Variants in ANGPT1 observed in about 807,000 individuals in gnomAD.
The protein encoded by ANGPT1 is angiopoietin-1.
A neutral mutation model predicts 62.2 loss-of-function variants in ANGPT1; 17 were observed. The observed-to-expected ratio is 0.27, with a 90% CI of 0.19 to 0.41. ANGPT1 has a LOEUF of 0.41. Among genes scored for constraint, ANGPT1 ranks in the 10% least tolerant of loss-of-function variants. ANGPT1 has a pLI of 1.00. For missense variants in ANGPT1, 478 were observed against 594.9 expected, an observed-to-expected ratio of 0.80 and a Z score of 2.04; for synonymous variants, 199 against 198.9, an observed-to-expected ratio of 1.00 and a Z score of 0.00.
chr8:107,467,524 A>G (rs1812235184), intron 1 of ANGPT1, among the ~76,000 whole-genome samples: 1 of 152,096 alleles, frequency 6.6e-6, no homozygotes, highest in African/African-American at 2.4e-5. Context: ...CTGGGGACTT[A>G]ATTGGGATTT....
intron 3 of ANGPT1, 31 bp downstream of exon 3, chr8:107,336,119 A>G (rs748186891): frequency 6.3e-7 from 1 of 1,577,756 alleles, no homozygotes; most frequent in Non-Finnish European, 8.6e-7. Flanking sequence ...AAGTACACAC[A>G]GAAACATTTT....
chr8:107,325,162 A>G (rs1563569799), intron 3 of ANGPT1, among the ~76,000 whole-genome samples: 2 of 152,180 alleles, frequency 1.3e-5, no homozygotes, highest in Non-Finnish European at 2.9e-5. Context: ...CTTCTTCACT[A>G]TCTTTATTGG....
At chr8:107,264,836 C>T (rs56046638) in intron 7 of ANGPT1, among the ~76,000 whole-genome samples, 6 of 152,086 alleles carry the variant, frequency 3.9e-5, no homozygotes, top group Non-Finnish European at 8.8e-5. Context: ...AATCTGTGAT[C>T]CAGACATTAA....
rs528296864 is a variant in ANGPT1, at chr8:107,407,294, G to A, written c.298-60197C>T. ...TTTTTTTTTTTGTAAATTGCTGGCA[G>A]CCCTTTATAAAATGATAGAATACCA... On this transcript the variant is annotated intron_variant, in intron 1 of 8. Transcript: ENST00000517746. 2.7e-5 allele frequency among the ~76,000 whole-genome samples: 4 copies of A among 150,828 alleles called. No homozygotes were observed. The East Asian group carries it at 5.8e-4, about 22-fold the overall frequency.
chr8:107,332,195 G>C (rs1815438727), intron 3 of ANGPT1, among the ~76,000 whole-genome samples: 1 of 152,114 alleles, frequency 6.6e-6, no homozygotes, highest in Non-Finnish European at 1.5e-5. Flanking sequence ...GTCCTACTTT[G>C]TGTTCATCTC....
chr8:107,347,392 T>C (rs1462492324), intron 1 of ANGPT1, among the ~76,000 whole-genome samples: 5 of 151,920 alleles, frequency 3.3e-5, no homozygotes, highest in African/African-American at 1.2e-4. Flanking sequence ...ATAGCAAAGA[T>C]GTATCACAGT....
intron 5 of ANGPT1, among the ~76,000 whole-genome samples, chr8:107,300,012 TCTAG>T (rs1814542763): frequency 1.5e-5 from 2 of 134,150 alleles, no homozygotes; most frequent in Non-Finnish European, 3.3e-5. Context: ...TATCTAGATA[TCTAG>T]ATATGTAGTT....
chr8:107,339,061 T>G (rs1815639988), intron 2 of ANGPT1, among the ~76,000 whole-genome samples: 1 of 152,318 alleles, frequency 6.6e-6, no homozygotes, highest in East Asian at 1.9e-4. Context: ...CAAAAGACAG[T>G]AAGTATTCTC....
At chr8:107,307,196 C>T (rs984336587) in intron 4 of ANGPT1, among the ~76,000 whole-genome samples, 2 of 151,990 alleles carry the variant, frequency 1.3e-5, no homozygotes, top group Non-Finnish European at 2.9e-5. Context: ...GCTTTCCGAG[C>T]CTCCCTTTTC....
chr8:107,388,655 C>G (rs1231508347), intron 1 of ANGPT1, among the ~76,000 whole-genome samples: 1 of 152,064 alleles, frequency 6.6e-6, no homozygotes, highest in Non-Finnish European at 1.5e-5. Context: ...AGTGGACCTG[C>G]TTTATTGCAG....
chr8:107,330,664 A>T (rs564241303), intron 3 of ANGPT1, among the ~76,000 whole-genome samples: 12 of 152,294 alleles, frequency 7.9e-5, no homozygotes, highest in African/African-American at 2.2e-4. Flanking sequence ...GCAGTGGCCT[A>T]GACAAGAATT....
intron 6 of ANGPT1, among the ~76,000 whole-genome samples, chr8:107,286,334 T>C (rs1814139758): frequency 1.3e-5 from 2 of 152,312 alleles, no homozygotes; most frequent in African/African-American, 4.8e-5. Context: ...AAAAGCAAAT[T>C]AGTAAAACTT....
intron 1 of ANGPT1, among the ~76,000 whole-genome samples, chr8:107,441,514 T>G (rs1285345558): frequency 6.6e-6 from 1 of 152,170 alleles, no homozygotes; most frequent in African/African-American, 2.4e-5. Flanking sequence ...TTCTATAATG[T>G]GGTACCCCAT....
intron 1 of ANGPT1, among the ~76,000 whole-genome samples, chr8:107,405,523 C>A (rs1039473086): frequency 6.6e-6 from 1 of 151,832 alleles, no homozygotes; most frequent in Non-Finnish European, 1.5e-5. Flanking sequence ...TAAGGAAGAA[C>A]ATTATTTAAA....
intron 1 of ANGPT1, among the ~76,000 whole-genome samples, chr8:107,373,920 T>C (rs1816469834): frequency 6.6e-6 from 1 of 152,246 alleles, no homozygotes; most frequent in African/African-American, 2.4e-5. Flanking sequence ...CTTGGAAAGA[T>C]ACTGCCTATG....
At chr8:107,268,749 A>C (rs905923311) in intron 7 of ANGPT1, among the ~76,000 whole-genome samples, 2 of 152,120 alleles carry the variant, frequency 1.3e-5, no homozygotes, top group African/African-American at 4.8e-5. Context: ...ATAATTCCTT[A>C]AGGTCCTGCC....
chr8:107,307,453 T>A (rs753314309), intron 4 of ANGPT1, among the ~76,000 whole-genome samples: 1 of 152,112 alleles, frequency 6.6e-6, no homozygotes, highest in Non-Finnish European at 1.5e-5. Context: ...AAAAACTACA[T>A]CTTATCTTCT....
At chr8:107,352,155 T>C (rs924782443) in intron 1 of ANGPT1, among the ~76,000 whole-genome samples, 2 of 152,256 alleles carry the variant, frequency 1.3e-5, no homozygotes, top group South Asian at 4.1e-4. Flanking sequence ...CAAATTCTGA[T>C]AACATACAAT....
chr8:107,406,698 T>C (rs951536565), intron 1 of ANGPT1, among the ~76,000 whole-genome samples: 3 of 152,072 alleles, frequency 2.0e-5, no homozygotes, highest in African/African-American at 7.2e-5. Flanking sequence ...CTGTGCTCCC[T>C]TTTTGTCGTT....
Sources: gnomAD v4.1 joint callset for allele counts (sites outside exome capture counted in the v4.1 genomes callset) on GRCh38, gnomAD v4.1.1 for gene constraint, MANE v1.5 for transcripts, NCBI Gene and HGNC (gene_info 2026-07-23, HGNC 2026-07-21) for gene names.